The following SAMMSON variants were observed in gnomAD, a reference collection of about 807,000 sequenced individuals.
SAMMSON encodes the protein long intergenic non-protein coding RNA 1212.
chr3:70,124,814 C>CAAAAAAAAAAAAAAAAAAAAAAAA (rs1208323683), intron 4 of SAMMSON, among the ~76,000 whole-genome samples: 2 of 53,692 alleles, frequency 3.7e-5, no homozygotes, highest in Admixed American at 2.8e-4. Context: ...GACTCCATCT[C>CAAAAAAAAAAAAAAAAAAAAAAAA]AAAAAAAAAA....
chr3:70,246,862 T>G (rs911328381), intron 4 of SAMMSON, among the ~76,000 whole-genome samples: 1 of 152,074 alleles, frequency 6.6e-6, no homozygotes, highest in Admixed American at 6.6e-5. Flanking sequence ...TCTTAAATAT[T>G]TGTAAATATG....
At chr3:70,011,287 A>T (rs1229632565) in intron 1 of SAMMSON, among the ~76,000 whole-genome samples, 1 of 152,122 alleles carries the variant, frequency 6.6e-6, no homozygotes, top group Non-Finnish European at 1.5e-5. Context: ...CCACTTTGTT[A>T]TGCAGAGCAA....
intron 4 of SAMMSON, among the ~76,000 whole-genome samples, chr3:70,123,460 A>G (rs2106668471): frequency 6.6e-6 from 1 of 152,242 alleles, no homozygotes; most frequent in Admixed American, 6.5e-5. Context: ...TGTAAAGACA[A>G]GGTTTTGCCA....
intron 9 of SAMMSON, among the ~76,000 whole-genome samples, chr3:70,363,356 G>A (rs1702891735): frequency 6.6e-6 from 1 of 151,976 alleles, no homozygotes; most frequent in Non-Finnish European, 1.5e-5. Flanking sequence ...AGAAAGAAGA[G>A]GCATCCAAAT....
chr3:70,317,963 C>T (rs1282438460), intron 7 of SAMMSON, among the ~76,000 whole-genome samples: 2 of 151,612 alleles, frequency 1.3e-5, no homozygotes, highest in Non-Finnish European at 3.0e-5. Flanking sequence ...CTCTCTTTCT[C>T]TTTTTAAAAA....
chr3:70,167,705 CAA>C (rs1306442866), intron 4 of SAMMSON, among the ~76,000 whole-genome samples: 1 of 151,854 alleles, frequency 6.6e-6, no homozygotes, highest in African/African-American at 2.4e-5. Context: ...GTTAGGGGAA[CAA>C]ACAGGCATCA....
chr3:70,201,371 A>G (rs903629533), intron 4 of SAMMSON, among the ~76,000 whole-genome samples: 16 of 152,180 alleles, frequency 1.1e-4, no homozygotes, highest in African/African-American at 3.9e-4. Flanking sequence ...TGCAAAGGAC[A>G]TGATCTTGTT....
intron 4 of SAMMSON, among the ~76,000 whole-genome samples, chr3:70,168,063 G>A (rs1322805719): frequency 6.6e-6 from 1 of 151,954 alleles, no homozygotes; most frequent in African/African-American, 2.4e-5. Context: ...GGCCAAAGAC[G>A]TCTCCGTGAA....
At chr3:70,045,021 A>C (rs1343136399) in intron 3 of SAMMSON, among the ~76,000 whole-genome samples, 1,553 of 129,476 alleles carry the variant, frequency 0.012, 62 homozygotes, top group African/African-American at 0.043. Flanking sequence ...TATATAATTA[A>C]TTATAATATA....
chr3:70,280,162 C>T (rs766517113), intron 6 of SAMMSON, among the ~76,000 whole-genome samples: 20 of 152,108 alleles, frequency 1.3e-4, no homozygotes, highest in Non-Finnish European at 2.6e-4. Context: ...GTGACTGCTG[C>T]ACTCCAATCT....
chr3:70,263,597 C>T (rs1359605830), intron 6 of SAMMSON, among the ~76,000 whole-genome samples: 1 of 152,138 alleles, frequency 6.6e-6, no homozygotes, highest in Non-Finnish European at 1.5e-5. Context: ...TCATGCCTAG[C>T]CTCATAGGGT....
chr3:70,118,887 C>T (rs556571434), intron 4 of SAMMSON, among the ~76,000 whole-genome samples: 1 of 152,222 alleles, frequency 6.6e-6, no homozygotes, highest in East Asian at 1.9e-4. Context: ...TGAAGCCTAT[C>T]CTATAATCTG....
At chr3:70,384,774 A>C (rs1282988331) in intron 9 of SAMMSON, among the ~76,000 whole-genome samples, 9 of 152,076 alleles carry the variant, frequency 5.9e-5, no homozygotes, top group Non-Finnish European at 1.2e-4. Flanking sequence ...GGTAGACTTC[A>C]GATTTTCTGG....
At chr3:70,355,577 G>T (rs1015155969) in intron 8 of SAMMSON, among the ~76,000 whole-genome samples, 2 of 152,052 alleles carry the variant, frequency 1.3e-5, no homozygotes, top group African/African-American at 4.8e-5. Flanking sequence ...TTTCCAGAAA[G>T]TGGAACCAAA....
At chr3:70,305,204 G>A (rs1230484912) in intron 7 of SAMMSON, among the ~76,000 whole-genome samples, 1 of 152,094 alleles carries the variant, frequency 6.6e-6, no homozygotes, top group Admixed American at 6.6e-5. Context: ...TGACTTACAA[G>A]GGCATATTTT....
chr3:70,227,494 C>G (rs1038056338), intron 4 of SAMMSON, among the ~76,000 whole-genome samples: 1 of 152,098 alleles, frequency 6.6e-6, no homozygotes, highest in East Asian at 1.9e-4. Flanking sequence ...GAGACTTTTG[C>G]TAGAACAATT....
intron 7 of SAMMSON, among the ~76,000 whole-genome samples, chr3:70,331,302 T>C (rs958329364): frequency 6.6e-6 from 1 of 152,180 alleles, no homozygotes; most frequent in South Asian, 2.1e-4. Flanking sequence ...CGTGAAGTAA[T>C]TGGCACTAGT....
At chr3:70,212,391 G>T (rs753595045) in intron 4 of SAMMSON, among the ~76,000 whole-genome samples, 2 of 152,096 alleles carry the variant, frequency 1.3e-5, no homozygotes. Flanking sequence ...TATCCCTGGA[G>T]AATTCACAGT....
At chr3:70,247,941 A>G (rs1701723791) in intron 4 of SAMMSON, among the ~76,000 whole-genome samples, 1 of 152,134 alleles carries the variant, frequency 6.6e-6, no homozygotes, top group Non-Finnish European at 1.5e-5. Context: ...GATGAGATCA[A>G]TCATTACATT....
Sources: gnomAD v4.1 joint callset for allele counts (sites outside exome capture counted in the v4.1 genomes callset) on GRCh38, gnomAD v4.1.1 for gene constraint, MANE v1.5 for transcripts, NCBI Gene and HGNC (gene_info 2026-07-23, HGNC 2026-07-21) for gene names.